Variants in SERGEF observed in about 807,000 individuals in gnomAD.
SERGEF encodes secretion regulating guanine nucleotide exchange factor.
SERGEF carries 51 observed loss-of-function variants against 50.0 expected under a neutral mutation model. The observed-to-expected ratio is 1.02, with a 90% CI of 0.81 to 1.29. SERGEF has a LOEUF of 1.29. Among genes scored for constraint, SERGEF ranks in the 50% most tolerant of loss-of-function variants. The pLI is 0.00. For missense variants in SERGEF, 521 were observed against 557.0 expected, an observed-to-expected ratio of 0.94 and a Z score of 0.65; for synonymous variants, 205 against 212.4, an observed-to-expected ratio of 0.97 and a Z score of 0.30.
chr11:17,926,646 G>A (rs1039843371), intron 9 of SERGEF: 5 of 418,242 alleles, frequency 1.2e-5, no homozygotes, highest in Non-Finnish European at 1.4e-5. Flanking sequence ...CCTCCTTTAT[G>A]CCAGAGGTTC....
chr11:17,877,602 T>A (rs1185508876), intron 10 of SERGEF, among the ~76,000 whole-genome samples: 1 of 152,230 alleles, frequency 6.6e-6, no homozygotes, highest in Non-Finnish European at 1.5e-5. Context: ...GTCTCTTTAA[T>A]GTACTGTGAG....
At chr11:17,966,813 G>A (rs1307150758) in intron 8 of SERGEF, among the ~76,000 whole-genome samples, 5 of 152,244 alleles carry the variant, frequency 3.3e-5, no homozygotes, top group African/African-American at 9.6e-5. Flanking sequence ...AAAAAAGCCC[G>A]CAAAGAGAAT....
At position 17,973,941 on chromosome 11, in the gene SERGEF, G is replaced by T. The variant is rs1853308869; in HGVS notation, c.845-14305C>A. Among the ~76,000 whole-genome samples the T allele has an allele frequency of 3.9e-5, 6 of 152,178 alleles. No individual in the cohort carries two copies. In the South Asian group the frequency reaches 1.2e-3, roughly 31 times the overall value. ...CATACAATGTTCAAGGACCCACCAG[G>T]AAAGGGAAGATAATCAGGAGACTTA... On this transcript the variant is annotated intron_variant, in intron 8 of 10. Transcript: ENST00000265965.
chr11:17,818,042 C>T (rs567376476), intron 10 of SERGEF, among the ~76,000 whole-genome samples: 91 of 152,302 alleles, frequency 6.0e-4, no homozygotes, highest in Non-Finnish European at 9.7e-4. Flanking sequence ...GACGGACAGA[C>T]TTGAGGATTG....
chr11:18,010,117 AAT>A, intron 1 of SERGEF: 1 of 1,260,206 alleles, frequency 7.9e-7, no homozygotes, highest in Non-Finnish European at 1.0e-6. Flanking sequence ...AAATCTTTTA[AAT>A]ATGTTTGTTT....
At chr11:17,962,392 A>C (rs1853023479) in intron 8 of SERGEF, among the ~76,000 whole-genome samples, 1 of 152,254 alleles carries the variant, frequency 6.6e-6, no homozygotes, top group African/African-American at 2.4e-5. Flanking sequence ...AATACACTGT[A>C]GATGAATGTC....
At chr11:17,823,816 G>A (rs1482644322) in intron 10 of SERGEF, among the ~76,000 whole-genome samples, 3 of 152,176 alleles carry the variant, frequency 2.0e-5, no homozygotes, top group African/African-American at 7.2e-5. Flanking sequence ...GGCATAGATT[G>A]CTGGTTACCT....
At chr11:17,790,393 T>C (rs1209895685) in intron 10 of SERGEF, among the ~76,000 whole-genome samples, 2 of 152,220 alleles carry the variant, frequency 1.3e-5, no homozygotes, top group African/African-American at 4.8e-5. Flanking sequence ...TCGAAATTTA[T>C]CTGAGCTGGT....
intron 8 of SERGEF, among the ~76,000 whole-genome samples, chr11:17,975,047 C>T (rs1051697640): frequency 2.0e-5 from 3 of 152,178 alleles, no homozygotes; most frequent in Admixed American, 2.0e-4. Context: ...AGCAGTAGTA[C>T]TATTGATGGC....
intron 10 of SERGEF, among the ~76,000 whole-genome samples, chr11:17,816,356 T>C (rs1849974354): frequency 6.6e-6 from 1 of 152,152 alleles, no homozygotes; most frequent in Non-Finnish European, 1.5e-5. Context: ...AAGGAAATAA[T>C]CACAGGAATC....
At chr11:17,883,134 C>G (rs1239002365) in intron 9 of SERGEF, among the ~76,000 whole-genome samples, 1 of 152,134 alleles carries the variant, frequency 6.6e-6, no homozygotes. Context: ...AACCCCAATG[C>G]CAGAGGGATA....
chr11:17,950,070 A>T (rs1381823309), intron 9 of SERGEF, among the ~76,000 whole-genome samples: 2 of 152,236 alleles, frequency 1.3e-5, no homozygotes, highest in Admixed American at 1.3e-4. Flanking sequence ...GGGTATTTTG[A>T]CAGAAGCTGG....
At chr11:17,848,069 C>G (rs945111323) in intron 10 of SERGEF, among the ~76,000 whole-genome samples, 2 of 152,108 alleles carry the variant, frequency 1.3e-5, no homozygotes, top group Admixed American at 1.3e-4. Context: ...AAAATTCAAT[C>G]ATATATTGAG....
chr11:17,810,820 AC>A (rs1849855549), intron 10 of SERGEF, among the ~76,000 whole-genome samples: 1 of 150,310 alleles, frequency 6.7e-6, no homozygotes, highest in African/African-American at 2.5e-5. Flanking sequence ...AAAAAAAAAA[AC>A]CACCACCAAA....
At chr11:17,901,739 A>T (rs1232474375) in intron 9 of SERGEF, among the ~76,000 whole-genome samples, 1 of 152,200 alleles carries the variant, frequency 6.6e-6, no homozygotes, top group Non-Finnish European at 1.5e-5. Context: ...CAGAATTTTG[A>T]CAGCACCATA....
chr11:17,798,515 A>T (rs917105251), intron 10 of SERGEF, among the ~76,000 whole-genome samples: 1 of 152,240 alleles, frequency 6.6e-6, no homozygotes, highest in Admixed American at 6.5e-5. Flanking sequence ...TGCTGTGGAC[A>T]CATTTCCTCA....
intron 1 of SERGEF, among the ~76,000 whole-genome samples, chr11:18,011,597 A>C (rs1854197265): frequency 1.3e-5 from 2 of 152,276 alleles, no homozygotes; most frequent in South Asian, 2.1e-4. Context: ...ACACACCCCC[A>C]CAGTTTCAGA....
chr11:17,795,038 G>T (rs564538788), intron 10 of SERGEF, among the ~76,000 whole-genome samples: 2 of 152,318 alleles, frequency 1.3e-5, no homozygotes, highest in African/African-American at 4.8e-5. Flanking sequence ...GGTAGCGAAT[G>T]GTCCATGTTG....
At chr11:17,927,334 C>T (rs1224241459) in intron 9 of SERGEF, among the ~76,000 whole-genome samples, 3 of 152,154 alleles carry the variant, frequency 2.0e-5, no homozygotes, top group East Asian at 3.9e-4. Flanking sequence ...CTTAAGATCC[C>T]GTGGTAAATG....
Sources: allele counts gnomAD v4.1 joint callset (sites outside exome capture counted in the v4.1 genomes callset), GRCh38; gene constraint gnomAD v4.1.1; transcripts MANE v1.5; gene names NCBI Gene and HGNC (gene_info 2026-07-23, HGNC 2026-07-21).